Variants in TRAK2 observed in about 807,000 individuals in gnomAD.
The protein encoded by TRAK2 is trafficking kinesin protein 2.
Under a neutral mutation model 104.6 loss-of-function variants are expected in TRAK2, and 81 were observed. The ratio of observed to expected loss-of-function variants is 0.77; its 90% confidence interval spans 0.65 to 0.93. TRAK2 has a LOEUF of 0.93. Ranked by LOEUF, TRAK2 falls within the 40% of genes least tolerant of loss-of-function variation. The probability of loss-of-function intolerance (pLI) is 0.00; values close to 1 mark genes in which losing one functional copy is unlikely to be tolerated. For missense variants in TRAK2, 1,002 were observed against 1,089.0 expected (o/e 0.92, Z 1.12); for synonymous variants, 406 against 394.4 (o/e 1.03, Z -0.35).
At chr2:201,449,547 C>T (rs1222319111) in intron 1 of TRAK2, among the ~76,000 whole-genome samples, 3 of 145,024 alleles carry the variant, frequency 2.1e-5, no homozygotes, top group Admixed American at 7.1e-5. Flanking sequence ...TGCAATGGCT[C>T]GATCTTGGCT....
intron 2 of TRAK2, chr2:201,410,669 T>C: frequency 2.3e-6 from 3 of 1,308,614 alleles, no homozygotes; most frequent in Non-Finnish European, 3.3e-6. Context: ...GATTGTCCTA[T>C]CATGTTCATC....
chr2:201,442,734 T>C (rs538127481), intron 1 of TRAK2, among the ~76,000 whole-genome samples: 1 of 152,330 alleles, frequency 6.6e-6, no homozygotes, highest in South Asian at 2.1e-4. Context: ...CACTGATAAA[T>C]CCATGTAATC....
At chr2:201,395,105 C>A in intron 8 of TRAK2, 1 of 612,456 alleles carries the variant, frequency 1.6e-6, no homozygotes, top group Admixed American at 3.2e-5. Flanking sequence ...GAAGCACTAA[C>A]CCCATTTTAC....
chr2:201,433,746 G>A (rs938325677), intron 1 of TRAK2, among the ~76,000 whole-genome samples: 3 of 152,160 alleles, frequency 2.0e-5, no homozygotes, highest in East Asian at 1.9e-4. Flanking sequence ...GGTGTCAACC[G>A]CGGTTTTTGA....
chr2:201,429,663 A>C (rs1951823937), intron 1 of TRAK2, among the ~76,000 whole-genome samples: 1 of 152,200 alleles, frequency 6.6e-6, no homozygotes. Context: ...TTGGCTACTG[A>C]AGCTTGCGCA....
At chr2:201,406,491 A>G (rs1290292631) in intron 3 of TRAK2, among the ~76,000 whole-genome samples, 1 of 152,236 alleles carries the variant, frequency 6.6e-6, no homozygotes, top group African/African-American at 2.4e-5. Flanking sequence ...ATTCTAGGAA[A>G]CTAGTGCTGA....
chr2:201,389,206 T>A, intron 12 of TRAK2, 94 bp downstream of exon 12: 1 of 1,221,326 alleles, frequency 8.2e-7, no homozygotes, highest in Non-Finnish European at 1.2e-6. Flanking sequence ...AGAACCTTCT[T>A]GGGACAGTAG....
rs115731741 is a variant in TRAK2, at chr2:201,393,698, C to A, written c.976-652G>T. On this transcript the variant is annotated intron_variant, in intron 9 of 15. Transcript: ENST00000332624. ...CACTCCAGACCACTTGAAGTAGAAGCTCTTGGGATGGTGCCTGGAAATCGC... is the reference window on the plus strand; with the variant it reads ...CACTCCAGACCACTTGAAGTAGAAGATCTTGGGATGGTGCCTGGAAATCGC... Among the ~76,000 whole-genome samples the A allele has an allele frequency of 2.2e-3, 329 of 152,272 alleles. 1 individual carries two copies. Among genetic ancestry groups the A allele is most frequent in the Middle Eastern group, 6.8e-3 (2 of 294 alleles).
At chr2:201,421,666 C>T (rs531819055) in intron 1 of TRAK2, among the ~76,000 whole-genome samples, 1 of 152,200 alleles carries the variant, frequency 6.6e-6, no homozygotes, top group South Asian at 2.1e-4. Context: ...AAAAAAAGTT[C>T]ACCCACTAGA....
At chr2:201,401,379 G>T (rs1469194861) in intron 3 of TRAK2, among the ~76,000 whole-genome samples, 6 of 152,022 alleles carry the variant, frequency 3.9e-5, no homozygotes, top group Non-Finnish European at 2.9e-5. Context: ...TGGTAAGACA[G>T]GAAGTTTGGC....
At chr2:201,395,151 ATATCT>A (rs1306398863) in intron 8 of TRAK2, 158 bp downstream of exon 8, 3 of 641,778 alleles carry the variant, frequency 4.7e-6, no homozygotes, top group African/African-American at 1.8e-5. Flanking sequence ...TTTATTCATG[ATATCT>A]TATATGACAT....
chr2:201,440,082 TAAAAA>T (rs541956654), intron 1 of TRAK2, among the ~76,000 whole-genome samples: 2 of 141,290 alleles, frequency 1.4e-5, no homozygotes, highest in African/African-American at 2.6e-5. Flanking sequence ...CTTAAAGTAT[TAAAAA>T]AAAAAAGTGC....
At chr2:201,445,552 G>A (rs140885339) in intron 1 of TRAK2, among the ~76,000 whole-genome samples, 59 of 152,338 alleles carry the variant, frequency 3.9e-4, no homozygotes, top group Middle Eastern at 3.4e-3. Context: ...AGAATTGTCG[G>A]GAGAGAGCTC....
chr2:201,411,708 T>G, intron 2 of TRAK2: 1 of 780,250 alleles, frequency 1.3e-6, no homozygotes, highest in East Asian at 2.4e-5. Flanking sequence ...GACTGCAGAC[T>G]CTTTGGATGG....
At chr2:201,434,624 T>C (rs13414428) in intron 1 of TRAK2, among the ~76,000 whole-genome samples, 1,956 of 152,240 alleles carry the variant, frequency 0.013, 41 homozygotes, top group African/African-American at 0.044. Context: ...CCTAAAATCA[T>C]GATATTTTTG....
intron 8 of TRAK2, 95 bp from the exon 9 acceptor site, chr2:201,394,967 G>A: frequency 6.3e-6 from 7 of 1,110,400 alleles, no homozygotes; most frequent in Non-Finnish European, 9.1e-6. Flanking sequence ...TCTCTCTGGG[G>A]TATCATCTTA....
chr2:201,390,856 CA>C (rs147163199), intron 10 of TRAK2, among the ~76,000 whole-genome samples: 17,823 of 151,722 alleles, frequency 0.12, 1,412 homozygotes, highest in Non-Finnish European at 0.16. Flanking sequence ...TTCCTCTGGT[CA>C]GGGGTGAGGA....
chr2:201,415,366 A>G (rs889230529), intron 2 of TRAK2, among the ~76,000 whole-genome samples: 2 of 152,242 alleles, frequency 1.3e-5, no homozygotes, highest in East Asian at 3.8e-4. Flanking sequence ...ATATGCAAAA[A>G]TAAACAAAAT....
At chr2:201,391,588 T>G (rs1324957953) in intron 10 of TRAK2, among the ~76,000 whole-genome samples, 4 of 152,178 alleles carry the variant, frequency 2.6e-5, no homozygotes, top group Non-Finnish European at 4.4e-5. Flanking sequence ...CCGATTTTCA[T>G]CACTACACGG....
Sources: allele counts gnomAD v4.1 joint callset (sites outside exome capture counted in the v4.1 genomes callset), GRCh38; gene constraint gnomAD v4.1.1; transcripts MANE v1.5; gene names NCBI Gene and HGNC (gene_info 2026-07-23, HGNC 2026-07-21).